Variants in PLXNA4 observed in about 807,000 individuals in gnomAD.
PLXNA4 encodes plexin A4.
In PLXNA4, 44 loss-of-function variants were observed where a neutral mutation model predicts 191.8. The ratio of observed to expected loss-of-function variants is 0.23; its 90% CI spans 0.18 to 0.29. The LOEUF (loss-of-function observed/expected upper bound fraction) is 0.29. Among genes scored for constraint, PLXNA4 ranks in the 10% least tolerant of loss-of-function variants. The pLI, the probability that PLXNA4 is intolerant of heterozygous loss-of-function variation, is 1.00. For missense variants in PLXNA4, 1,800 were observed against 2,488.8 expected, an observed-to-expected ratio of 0.72 and a Z score of 5.89; for synonymous variants, 1,082 against 1,009.5, an observed-to-expected ratio of 1.07 and a Z score of -1.36.
chr7:132,241,214 C>T lies in PLXNA4; in HGVS notation c.1504-48G>A, dbSNP rs772126963. ...AGGTGGTCAAGATTTTGCAGAACAC[C>T]CAGCAGTGTACCAGAAGAGATGTTG... On this transcript the variant is annotated intron_variant, in intron 4 of 31. Transcript: ENST00000321063. 3.7e-6 allele frequency: 5 copies of T among 1,342,100 alleles called. No individual in the cohort carries two copies. The Admixed American group carries it at 9.0e-5, about 24-fold the overall frequency. The allele number at this position is 1,342,100 out of a possible 1,614,324, so 83.1% of individuals were successfully genotyped here.
In PLXNA4 at chr7:132,474,214, TCACACACACACA is replaced by T. The variant is rs56832356; in HGVS notation, c.1371+15066_1371+15077del. ...TGAGCCAAGATCAGATCTCTCTGTC[TCACACACACACA>T]CACACACACACACACACACACACAC... On this transcript the variant is annotated intron_variant, in intron 3 of 31. Transcript: ENST00000321063. Among the ~76,000 whole-genome samples, 11 of 140,296 alleles carry T rather than the reference TCACACACACACA, an allele frequency of 7.8e-5. No individual in the cohort carries two copies. The East Asian group carries it at 8.7e-4, about 11-fold the overall frequency. The allele number at this position is 140,296 out of a possible 152,430, so 92.0% of individuals were successfully genotyped here.
Position 132,228,452 on chromosome 7 carries a change from C to G in PLXNA4, c.1622G>C (p.Arg541Pro). 1 of 1,614,140 alleles carries G rather than the reference C, an allele frequency of 6.2e-7. No homozygotes were observed. The change falls in exon 6 of 32, where the codon CGG becomes CCG. Residue 541 changes from arginine to proline, a missense_variant. Around this residue, in one of 6 missense-constraint regions of PLXNA4, gnomAD observed 1,397 missense variants for 1,880.4 expected, o/e 0.74. Coordinates refer to ENST00000321063, the MANE Select transcript of PLXNA4 (RefSeq NM_020911.2). ...VLHNTCTRKE[R>P]CERSKEPRRF... is the part of the protein sequence containing the mutation. ...GCGGGGCTCCTTGGACCGCTCACAC[C>G]GCTCCTTCCGGGTGCAACTGGGAAG...
At chr7:132,395,868 A>G (rs1221133352) in intron 3 of PLXNA4, among the ~76,000 whole-genome samples, 1 of 152,148 alleles carries the variant, frequency 6.6e-6, no homozygotes, top group Non-Finnish European at 1.5e-5. Flanking sequence ...CTCCCATTAT[A>G]CCTATGCCTG....
chr7:132,622,172 C>T (rs1202838748), intron 2 of PLXNA4, among the ~76,000 whole-genome samples: 5 of 152,156 alleles, frequency 3.3e-5, no homozygotes, highest in African/African-American at 4.8e-5. Flanking sequence ...CCATGCTGTC[C>T]TCTCTTCCAC....
chr7:132,483,469 G>A (rs1187045544), intron 3 of PLXNA4, among the ~76,000 whole-genome samples: 2 of 152,080 alleles, frequency 1.3e-5, no homozygotes, highest in Non-Finnish European at 2.9e-5. Context: ...CTCCTAATAT[G>A]CTGCTAGTTT....
At chr7:132,492,740 G>A (rs1263343848) in intron 2 of PLXNA4, among the ~76,000 whole-genome samples, 1 of 152,182 alleles carries the variant, frequency 6.6e-6, no homozygotes, top group African/African-American at 2.4e-5. Context: ...CTTCCCAATT[G>A]CACAACTTGC....
At chr7:132,301,409 A>G (rs6467428) in intron 3 of PLXNA4, among the ~76,000 whole-genome samples, 76,736 of 151,932 alleles carry the variant, frequency 0.51, 20,560 homozygotes, top group African/African-American at 0.66. Flanking sequence ...GGCATTTTAT[A>G]TATATTTATT....
rs192863480 is a variant in PLXNA4, at chr7:132,190,740, T to C, written c.2857-3133A>G. The stretch of plus-strand genomic sequence containing the variant: ...AAGCATCAGCTTAATGAGGTGGCGG[T>C]GATTCTAGCCCTGTCCACTGTGTGC... On this transcript the variant is annotated intron_variant, in intron 14 of 31. Coordinates refer to ENST00000321063, the MANE Select transcript of PLXNA4 (RefSeq NM_020911.2). Among the ~76,000 whole-genome samples the C allele has an allele frequency of 4.1e-3, 623 of 151,986 alleles. 3 individuals are homozygous for C. Among genetic ancestry groups the C allele is most frequent in the Non-Finnish European group, 7.3e-3 (496 of 67,968 alleles).
At chr7:132,200,626 AC>A (rs1797402184) in intron 12 of PLXNA4, among the ~76,000 whole-genome samples, 2 of 152,190 alleles carry the variant, frequency 1.3e-5, no homozygotes, top group Non-Finnish European at 2.9e-5. Flanking sequence ...GTTGAGGGCC[AC>A]CCCAAGGGGC....
chr7:132,351,042 G>A (rs1803464248), intron 3 of PLXNA4, among the ~76,000 whole-genome samples: 1 of 152,162 alleles, frequency 6.6e-6, no homozygotes, highest in Non-Finnish European at 1.5e-5. Context: ...GACACAAAAG[G>A]CTACATATAA....
chr7:132,584,457 A>C (rs1802469429), intron 2 of PLXNA4, among the ~76,000 whole-genome samples: 1 of 152,170 alleles, frequency 6.6e-6, no homozygotes, highest in Non-Finnish European at 1.5e-5. Context: ...AGATTAGTGC[A>C]CTGGGTTTGG....
intron 2 of PLXNA4, among the ~76,000 whole-genome samples, chr7:132,582,597 G>C (rs981198346): frequency 2.6e-5 from 4 of 152,176 alleles, no homozygotes; most frequent in African/African-American, 9.7e-5. Flanking sequence ...CCAACAACCA[G>C]TGCCAGCTTG....
intron 3 of PLXNA4, among the ~76,000 whole-genome samples, chr7:132,311,240 T>C (rs3906454): frequency 0.29 from 42,531 of 148,514 alleles, 6,447 homozygotes; most frequent in Admixed American, 0.36. Flanking sequence ...GGGATGCATG[T>C]GACGTTACCC....
Position 132,302,959 on chromosome 7 carries a change from C to A in PLXNA4, c.1372-4737G>T, listed in dbSNP as rs139611837. ...TGGCACGATCTCAGCTCACTGTAAC[C>A]TCTGCCTCCTGGGTTCAAGCGATTC... On this transcript the variant is annotated intron_variant, in intron 3 of 31. Coordinates refer to ENST00000321063, the MANE Select transcript of PLXNA4 (RefSeq NM_020911.2). Among the ~76,000 whole-genome samples, 165 of 152,252 alleles carry A rather than the reference C, an allele frequency of 1.1e-3. 1 individual carries two copies. Among genetic ancestry groups the A allele is most frequent in the East Asian group, 8.6e-3 (44 of 5,138 alleles).
intron 3 of PLXNA4, among the ~76,000 whole-genome samples, chr7:132,457,332 C>T (rs1796350692): frequency 6.6e-6 from 1 of 152,226 alleles, no homozygotes; most frequent in African/African-American, 2.4e-5. Context: ...TCAGATTATT[C>T]ATTACTGCTG....
intron 1 of PLXNA4, among the ~76,000 whole-genome samples, chr7:132,520,643 G>A (rs1386729998): frequency 1.3e-5 from 2 of 152,158 alleles, no homozygotes; most frequent in East Asian, 3.9e-4. Flanking sequence ...CAGTCAGTGG[G>A]CCTAGAAATG....
intron 2 of PLXNA4, among the ~76,000 whole-genome samples, chr7:132,591,913 C>T (rs1467473443): frequency 1.3e-5 from 2 of 152,182 alleles, no homozygotes; most frequent in East Asian, 1.9e-4. Context: ...TTCCCGGGAG[C>T]TATTATCACA....
intron 9 of PLXNA4, among the ~76,000 whole-genome samples, chr7:132,214,626 T>C (rs1797908344): frequency 6.6e-6 from 1 of 152,064 alleles, no homozygotes. Context: ...CCTACAGATC[T>C]GACACTCCAG....
Position 132,298,307 on chromosome 7 carries a change from C to T in PLXNA4, c.1372-85G>A. 2.7e-6 allele frequency: 4 copies of T among 1,508,944 alleles called. No individual in the cohort carries two copies. The South Asian group carries it at 5.2e-5, about 20-fold the overall frequency. 93.5% of individuals were successfully genotyped at this position (1,508,944 alleles called of 1,614,324 possible). On this transcript the variant is annotated intron_variant, in intron 3 of 31. Transcript: ENST00000321063. ...CTTCAGCCAAAGACCCTGTCAACAGCCAAGGGAGAGGGCATGAGTTCTGTC... is the reference window on the plus strand; with the variant it reads ...CTTCAGCCAAAGACCCTGTCAACAGTCAAGGGAGAGGGCATGAGTTCTGTC...
Sources: gnomAD v4.1 joint callset for allele counts (sites outside exome capture counted in the v4.1 genomes callset) on GRCh38, gnomAD v4.1.1 for gene constraint, gnomAD v4.1.1 regional missense constraint, MANE v1.5 for transcripts, NCBI Gene and HGNC (gene_info 2026-07-23, HGNC 2026-07-21) for gene names.